Variants in DLGAP2 observed in about 807,000 individuals in gnomAD.
The protein encoded by DLGAP2 is disks large-associated protein 2.
A neutral mutation model predicts 100.3 loss-of-function variants in DLGAP2; 26 were observed. The ratio of observed to expected loss-of-function variants is 0.26; its 90% CI spans 0.19 to 0.36. The LOEUF is 0.36. DLGAP2 is among the 10% of genes least tolerant of loss of function. The probability of loss-of-function intolerance (pLI) is 1.00; values close to 1 mark genes in which losing one functional copy is unlikely to be tolerated. For missense variants in DLGAP2, 1,858 were observed against 1,453.2 expected (o/e 1.28, Z -4.53); for synonymous variants, 886 against 630.1 (o/e 1.41, Z -6.08).
intron 8 of DLGAP2, among the ~76,000 whole-genome samples, chr8:1,652,712 G>C (rs1053096425): frequency 1.3e-5 from 2 of 152,140 alleles, no homozygotes; most frequent in Non-Finnish European, 2.9e-5. Context: ...TATGGAATTT[G>C]CATCGTCTGT....
intron 5 of DLGAP2, among the ~76,000 whole-genome samples, chr8:1,558,182 G>A (rs2130548973): frequency 6.6e-6 from 1 of 152,316 alleles, no homozygotes; most frequent in East Asian, 1.9e-4. Flanking sequence ...GCCTCCTGGT[G>A]TCCATGAGCC....
intron 3 of DLGAP2, among the ~76,000 whole-genome samples, chr8:1,377,499 G>T (rs139099288): frequency 6.6e-6 from 1 of 152,098 alleles, no homozygotes; most frequent in African/African-American, 2.4e-5. Context: ...AGCTGAGATC[G>T]CACCACTGCA....
intron 3 of DLGAP2, among the ~76,000 whole-genome samples, chr8:1,327,214 A>T (rs776208299): frequency 2.6e-5 from 4 of 152,196 alleles, no homozygotes; most frequent in Non-Finnish European, 5.9e-5. Context: ...ATTTCTTTGC[A>T]ATTTTACAGG....
intron 1 of DLGAP2, among the ~76,000 whole-genome samples, chr8:766,280 A>C (rs1439312317): frequency 6.6e-6 from 1 of 152,220 alleles, no homozygotes. Context: ...GGGGTACATA[A>C]CATCTGCCCC....
chr8:1,007,280 T>C (rs1801147064), intron 2 of DLGAP2, among the ~76,000 whole-genome samples: 1 of 152,206 alleles, frequency 6.6e-6, no homozygotes, highest in Admixed American at 6.5e-5. Context: ...GTGACTGCTG[T>C]GATTTCCTGG....
At chr8:1,581,746 A>T (rs1803270140) in intron 6 of DLGAP2, among the ~76,000 whole-genome samples, 1 of 152,160 alleles carries the variant, frequency 6.6e-6, no homozygotes, top group Non-Finnish European at 1.5e-5. Context: ...AACCCCACAC[A>T]CATACACACA....
chr8:1,037,232 G>A (rs1374772656), intron 2 of DLGAP2, among the ~76,000 whole-genome samples: 1 of 152,176 alleles, frequency 6.6e-6, no homozygotes, highest in South Asian at 2.1e-4. Flanking sequence ...CGAGCGCCCC[G>A]AGCTTTCCAC....
rs116757257 is a variant in DLGAP2 at position 1,331,342 on chromosome 8, G to A, written c.106+72459G>A. ...GGCTGCACAGTGTCCTCACACACCC[G>A]TTTCACAGCCCAGGGTGGGCTAGTG... is the stretch of plus-strand genomic sequence containing the variant. On this transcript the variant is annotated intron_variant, in intron 3 of 14. Coordinates refer to ENST00000637795, the MANE Select transcript of DLGAP2 (RefSeq NM_001346810.2). Among the ~76,000 whole-genome samples the A allele has an allele frequency of 1.8e-3, 273 of 152,270 alleles. 1 individual carries two copies. The highest frequency in any genetic ancestry group is 5.8e-3 in the African/African-American group (239 of 41,540).
chr8:1,252,995 C>T (rs1471645734), intron 2 of DLGAP2, among the ~76,000 whole-genome samples: 1 of 152,200 alleles, frequency 6.6e-6, no homozygotes, highest in Non-Finnish European at 1.5e-5. Flanking sequence ...CATCTAGGCA[C>T]CCCCACAGGC....
At chr8:952,841 A>G (rs764059088) in intron 2 of DLGAP2, among the ~76,000 whole-genome samples, 5 of 152,176 alleles carry the variant, frequency 3.3e-5, no homozygotes, top group Admixed American at 6.5e-5. Context: ...TTGATGTGAC[A>G]TGTTATTTTG....
chr8:1,687,302 T>G (rs147540636), intron 12 of DLGAP2, among the ~76,000 whole-genome samples: 222 of 152,362 alleles, frequency 1.5e-3, no homozygotes, highest in African/African-American at 5.1e-3. Context: ...CCAAGTGTGT[T>G]AATCAAATTT....
chr8:1,455,281 C>T (rs1211821706), intron 3 of DLGAP2, among the ~76,000 whole-genome samples: 49 of 152,358 alleles, frequency 3.2e-4, no homozygotes, highest in Non-Finnish European at 2.9e-5. Context: ...GGCACTGATT[C>T]TCATGCGCTG....
At chr8:1,434,770 C>T (rs956268813) in intron 3 of DLGAP2, among the ~76,000 whole-genome samples, 1 of 152,164 alleles carries the variant, frequency 6.6e-6, no homozygotes, top group Non-Finnish European at 1.5e-5. Flanking sequence ...CCACTGTGCC[C>T]GGCCGTCATT....
intron 6 of DLGAP2, among the ~76,000 whole-genome samples, chr8:1,574,800 C>G (rs1350864119): frequency 1.3e-5 from 2 of 152,120 alleles, no homozygotes; most frequent in East Asian, 3.8e-4. Flanking sequence ...ATTCCGGACA[C>G]AAGAAAGGAA....
chr8:879,590 A>G (rs1387397956), intron 1 of DLGAP2, among the ~76,000 whole-genome samples: 8 of 152,138 alleles, frequency 5.3e-5, no homozygotes, highest in African/African-American at 1.9e-4. Context: ...CGTTGTCTTC[A>G]TTAGTTTCCT....
chr8:1,316,369 G>T (rs1412698065), intron 3 of DLGAP2, among the ~76,000 whole-genome samples: 1 of 139,276 alleles, frequency 7.2e-6, no homozygotes, highest in Non-Finnish European at 1.5e-5. Context: ...TCCAACGGTG[G>T]TCTACACTCG....
intron 2 of DLGAP2, among the ~76,000 whole-genome samples, chr8:1,144,484 C>A (rs549485503): frequency 1.3e-5 from 2 of 152,216 alleles, no homozygotes; most frequent in African/African-American, 2.4e-5. Context: ...CCCCAGTCTG[C>A]GTCCTGCTTT....
chr8:972,901 A>G (rs1254707300), intron 2 of DLGAP2, among the ~76,000 whole-genome samples: 7 of 152,174 alleles, frequency 4.6e-5, no homozygotes, highest in Admixed American at 2.0e-4. Context: ...CCCTGAGTGG[A>G]CACAGCAGAT....
intron 1 of DLGAP2, among the ~76,000 whole-genome samples, chr8:799,313 G>T (rs1796099737): frequency 6.6e-6 from 1 of 152,130 alleles, no homozygotes; most frequent in Admixed American, 6.6e-5. Flanking sequence ...TTTGTTTACA[G>T]TTGCGCTTGT....
Sources: allele counts gnomAD v4.1 joint callset (sites outside exome capture counted in the v4.1 genomes callset), GRCh38; gene constraint gnomAD v4.1.1; transcripts MANE v1.5; gene names NCBI Gene and HGNC (gene_info 2026-07-23, HGNC 2026-07-21).